STRIP1: variants seen among roughly 807,000 people sequenced by gnomAD.
STRIP1 encodes the protein striatin interacting protein 1, also known as striatin-interacting protein 1.
In STRIP1, 63 loss-of-function variants were observed where a neutral mutation model predicts 106.2. The ratio of observed to expected loss-of-function variants is 0.59; its 90% CI spans 0.48 to 0.73. The LOEUF (loss-of-function observed/expected upper bound fraction) is 0.73, where lower values mean the gene tolerates loss of function less well. Ranked by LOEUF, STRIP1 falls within the 30% of genes least tolerant of loss-of-function variation. The pLI is 0.00. For missense variants in STRIP1, 857 were observed against 1,074.8 expected (o/e 0.80, Z 2.83); for synonymous variants, 390 against 413.0 (o/e 0.94, Z 0.67).
In STRIP1 at chr1:110,054,191, A is replaced by C. The variant is rs769795459; in HGVS notation, c.*279A>C. The stretch of plus-strand genomic sequence containing the variant: ...TATGGTTGGTTTTGGCTCATTTCAC[A>C]ATCAGCCCAAGGCTGGGAAAGCTGG... On this transcript the variant is annotated 3_prime_UTR_variant, in exon 21 of 21. Transcript: ENST00000369795. 2 of 427,546 alleles carry C rather than the reference A, an allele frequency of 4.7e-6. No homozygotes were observed. The highest frequency in any genetic ancestry group is 8.7e-6 in the Non-Finnish European group (2 of 231,110). 26.5% of individuals were successfully genotyped at this position (427,546 alleles called of 1,614,324 possible).
chr1:110,044,586 T>G (rs1178304389), intron 10 of STRIP1, among the ~76,000 whole-genome samples: 1 of 152,270 alleles, frequency 6.6e-6, no homozygotes, highest in Non-Finnish European at 1.5e-5. Flanking sequence ...TTTTTAAGTT[T>G]GATATATCCC....
At chr1:110,038,875 C>A in intron 3 of STRIP1, 118 bp downstream of exon 3, 1 of 955,076 alleles carries the variant, frequency 1.0e-6, no homozygotes, top group Non-Finnish European at 1.6e-6. Context: ...GCCTGCTGAA[C>A]CCTGATGGTT....
At chr1:110,039,670 T>C in intron 5 of STRIP1, 155 bp downstream of exon 5, 1 of 1,049,154 alleles carries the variant, frequency 9.5e-7, no homozygotes, top group Non-Finnish European at 1.4e-6. Context: ...ACGGAGTTGG[T>C]CACTTACACC....
chr1:110,038,826 C>A, intron 3 of STRIP1, 69 bp downstream of exon 3: 1 of 1,406,488 alleles, frequency 7.1e-7, no homozygotes, highest in Non-Finnish European at 1.0e-6. Flanking sequence ...TTCTTTTAGG[C>A]ATCTGAATGA....
chr1:110,038,852 A>G, intron 3 of STRIP1, 95 bp downstream of exon 3: 1 of 1,177,532 alleles, frequency 8.5e-7, no homozygotes. Flanking sequence ...GTCATCCTGG[A>G]ACAGCCTGAG....
intron 5 of STRIP1, 113 bp from the exon 6 acceptor site, chr1:110,040,522 T>G (rs1652708734): frequency 2.0e-6 from 2 of 987,744 alleles, no homozygotes; most frequent in Non-Finnish European, 3.0e-6. Context: ...TGGCCTCTTG[T>G]GCAGTCCAAG....
intron 5 of STRIP1, chr1:110,039,891 T>C: frequency 7.7e-7 from 1 of 1,294,942 alleles, no homozygotes; most frequent in East Asian, 5.5e-5. Context: ...ACATATGGGC[T>C]CAACCAGTGC....
intron 15 of STRIP1, 104 bp from the exon 16 acceptor site, chr1:110,049,008 A>G: frequency 7.4e-7 from 1 of 1,349,590 alleles, no homozygotes; most frequent in Admixed American, 1.9e-5. Context: ...GTGGGGAGGT[A>G]GGAGTCTTTG....
chr1:110,049,256 C>T lies in STRIP1; in HGVS notation c.1788+18C>T. The T allele has an allele frequency of 6.2e-7, 1 of 1,613,980 alleles. No homozygotes were observed. Among genetic ancestry groups the T allele is most frequent in the African/African-American group, 1.3e-5 (1 of 75,042 alleles). On this transcript the variant is annotated intron_variant, in intron 16 of 20. Coordinates refer to ENST00000369795, the MANE Select transcript of STRIP1 (RefSeq NM_033088.4). ...TCTACCAGGTACCCACAGGGCTTTC[C>T]CTCCTGTCCTGTGGGCTGGGGCCTC...
chr1:110,040,725 G>C (rs754720711), intron 6 of STRIP1, 22 bp downstream of exon 6: 1 of 1,600,110 alleles, frequency 6.2e-7, no homozygotes, highest in Admixed American at 1.7e-5. Context: ...AGCAAGCCTG[G>C]GCTCCTGAGC....
chr1:110,033,411 G>A (rs762225150), upstream of STRIP1, among the ~76,000 whole-genome samples: 11 of 152,142 alleles, frequency 7.2e-5, no homozygotes, highest in Non-Finnish European at 1.3e-4. Context: ...CACTCTTGGC[G>A]TCTTAATCCA....
chr1:110,049,690 A>G (rs1311273840), intron 17 of STRIP1, 130 bp downstream of exon 17: 2 of 648,544 alleles, frequency 3.1e-6, no homozygotes, highest in Non-Finnish European at 5.4e-6. Flanking sequence ...AGACATAAAG[A>G]TAAATGAGAC....
chr1:110,045,184 C>G, intron 12 of STRIP1, 106 bp downstream of exon 12: 3 of 1,021,394 alleles, frequency 2.9e-6, no homozygotes, highest in Non-Finnish European at 4.6e-6. Context: ...CTGCAAGAAC[C>G]TGGGGTAGAG....
chr1:110,050,190 G>A lies in STRIP1; in HGVS notation c.1890-153G>A. ...GTAACAGATATTTCCTCATCTTATA[G>A]GTGGGGAAACTGGGGTGGGACACAT... On this transcript the variant is annotated intron_variant, in intron 17 of 20. Coordinates refer to ENST00000369795, the MANE Select transcript of STRIP1 (RefSeq NM_033088.4). 4.5e-6 allele frequency: 3 copies of A among 663,284 alleles called. No individual in the cohort carries two copies. In the South Asian group the frequency reaches 5.6e-5, roughly 12 times the overall value. The allele number at this position is 663,284 out of a possible 1,614,324, so 41.1% of individuals were successfully genotyped here.
intron 8 of STRIP1, 113 bp from the exon 9 acceptor site, chr1:110,042,975 C>T (rs41281348): frequency 0.013 from 13,822 of 1,046,712 alleles, 136 homozygotes; most frequent in Non-Finnish European, 0.017. Flanking sequence ...TTGCCTGGGT[C>T]TCTATAAAGA....
chr1:110,034,571 A>G (rs1384690152), upstream of STRIP1: 1 of 1,443,738 alleles, frequency 6.9e-7, no homozygotes, highest in Non-Finnish European at 9.1e-7. Flanking sequence ...TTTCCTGGAG[A>G]AAATCACGCG....
chr1:110,037,105 G>T (rs1005574545), intron 1 of STRIP1, among the ~76,000 whole-genome samples: 2 of 152,194 alleles, frequency 1.3e-5, no homozygotes, highest in African/African-American at 2.4e-5. Flanking sequence ...AAAGTGCTGG[G>T]ATTATAGGCA....
intron 15 of STRIP1, among the ~76,000 whole-genome samples, chr1:110,048,662 A>G (rs749558933): frequency 6.6e-6 from 1 of 152,250 alleles, no homozygotes; most frequent in Non-Finnish European, 1.5e-5. Flanking sequence ...TCCTCTTACA[A>G]AGATGTACAA....
At chr1:110,043,398 C>G in intron 9 of STRIP1, 128 bp downstream of exon 9, 1 of 1,048,100 alleles carries the variant, frequency 9.5e-7, no homozygotes, top group Non-Finnish European at 1.4e-6. Context: ...CATGCCTCCA[C>G]AGCGAGGATA....
Sources: gnomAD v4.1 joint callset for allele counts (sites outside exome capture counted in the v4.1 genomes callset) on GRCh38, gnomAD v4.1.1 for gene constraint, MANE v1.5 for transcripts, NCBI Gene and HGNC (gene_info 2026-07-23, HGNC 2026-07-21) for gene names.